Variants in EOMES observed in about 807,000 individuals in gnomAD.
The protein encoded by EOMES is eomesodermin.
Under a neutral mutation model 61.0 loss-of-function variants are expected in EOMES, and 18 were observed. The ratio of observed to expected loss-of-function variants is 0.30; its 90% CI spans 0.20 to 0.44. EOMES has a LOEUF of 0.44. EOMES is among the 20% of genes least tolerant of loss of function. The probability of loss-of-function intolerance (pLI) is 1.00; values close to 1 mark genes in which losing one functional copy is unlikely to be tolerated. For synonymous variants in EOMES, 430 were observed against 394.0 expected, an observed-to-expected ratio of 1.09 and a Z score of -1.08; for missense variants, 885 against 939.2, an observed-to-expected ratio of 0.94 and a Z score of 0.75.
In EOMES at chr3:27,719,276, A is replaced by G; in HGVS notation, c.1158+84T>C. ...GGTCACAAATGCAAATATTATAAAT[A>G]CAGTGAAAAGAGTAGGGACTCTTAT... On this transcript the variant is annotated intron_variant, in intron 3 of 5. Coordinates refer to ENST00000449599, the MANE Select transcript of EOMES (RefSeq NM_001278182.2). The G allele has an allele frequency of 2.2e-6, 3 of 1,344,158 alleles. No individual in the cohort carries two copies. In the East Asian group the frequency reaches 6.9e-5, roughly 31 times the overall value. 83.3% of individuals were successfully genotyped at this position (1,344,158 alleles called of 1,614,324 possible).
chr3:27,720,072 G>A, intron 2 of EOMES, 99 bp downstream of exon 2: 3 of 1,188,394 alleles, frequency 2.5e-6, no homozygotes, highest in Non-Finnish European at 3.5e-6. Context: ...AATGGAAGGG[G>A]AAAAAAAAAG....
In EOMES at chr3:27,722,039, C is replaced by G. The variant is rs748565279; in HGVS notation, c.256G>C (p.Gly86Arg). ...PAAMLSDTDAGDAFASAAAVA... is the reference protein window; with the variant it reads ...PAAMLSDTDARDAFASAAAVA... Reference sequence around the variant, plus strand: ...GCCGCAGCGCTGGCAAATGCGTCCCCGGCGTCGGTGTCACTAAGCATGGCC... The same window carrying G: ...GCCGCAGCGCTGGCAAATGCGTCCCGGGCGTCGGTGTCACTAAGCATGGCC... The change falls in exon 1 of 6, where the codon GGG becomes CGG. Residue 86 changes from glycine (G) to arginine (R), a missense_variant. By Grantham distance (125) the Gly-to-Arg change is moderately radical. This residue lies in a region of EOMES where 449 missense variants were observed against 383.6 expected (regional missense o/e 1.17). Coordinates refer to ENST00000449599, the MANE Select transcript of EOMES (RefSeq NM_001278182.2). 3.4e-5 allele frequency: 52 copies of G among 1,530,046 alleles called. No individual in the cohort carries two copies. The South Asian group carries it at 4.0e-4, about 12-fold the overall frequency. The allele number at this position is 1,530,046 out of a possible 1,614,324, so 94.8% of individuals were successfully genotyped here.
chr3:27,720,162 T>C lies in EOMES; in HGVS notation c.1036+9A>G. On this transcript the variant is annotated intron_variant, in intron 2 of 5. Coordinates refer to ENST00000449599, the MANE Select transcript of EOMES (RefSeq NM_001278182.2). ...GTTCCTCCCCGGCCCGAGCCTCTTC[T>C]CTGCTCACCCTGCATGTTATTGTCG... 2 of 1,559,384 alleles carry C rather than the reference T, an allele frequency of 1.3e-6. No homozygotes were observed. The highest frequency in any genetic ancestry group is 1.2e-5 in the South Asian group (1 of 81,476).
chr3:27,721,994 G>A lies in EOMES; in HGVS notation c.301C>T (p.Pro101Ser). ...CAGGGGGAGCCCTTGCGGCCGTCCG[G>A]GGGCCCCGGCTTGGCCACTGCCGCA... ...SAAAVAKPGPPDGRKGSPCGE... is the reference protein window; with the variant it reads ...SAAAVAKPGPSDGRKGSPCGE... Residue 101 changes from proline (P) to serine (S), a missense_variant, in exon 1 of 6, where the codon CCG becomes TCG. Transcript: ENST00000449599. The surrounding 1 kb of genome is among the most constrained non-coding windows in gnomAD (Gnocchi z 7.4). 3 of 1,472,244 alleles carry A rather than the reference G, an allele frequency of 2.0e-6. No individual in the cohort carries two copies. The highest frequency in any genetic ancestry group is 3.0e-5 in the East Asian group (1 of 33,724). The allele number at this position is 1,472,244 out of a possible 1,614,324, so 91.2% of individuals were successfully genotyped here. A position where few individuals can be genotyped will look rare whatever the true frequency, so the allele number is the denominator to read the frequency against.
Position 27,721,317 on chromosome 3 carries a change from G to T in EOMES, c.881+97C>A. Reference sequence around the variant, plus strand: ...CGGTGAAACACTCTAAGCACCGCGCGGAACAACTGGGTTCAGCTCCCTCAT... The same window carrying T: ...CGGTGAAACACTCTAAGCACCGCGCTGAACAACTGGGTTCAGCTCCCTCAT... On this transcript the variant is annotated intron_variant, in intron 1 of 5. Coordinates refer to ENST00000449599, the MANE Select transcript of EOMES (RefSeq NM_001278182.2). This position sits in a 1 kb window ranked among gnomAD's most constrained non-coding sequence, Gnocchi z 7.4. 1 of 1,003,588 alleles carries T rather than the reference G, an allele frequency of 1.0e-6. No individual in the cohort carries two copies. The highest frequency in any genetic ancestry group is 1.5e-6 in the Non-Finnish European group (1 of 674,806). The allele number at this position is 1,003,588 out of a possible 1,614,324, so 62.2% of individuals were successfully genotyped here. A position where few individuals can be genotyped will look rare whatever the true frequency, so the allele number is the denominator to read the frequency against.
At chr3:27,718,035 A>G (rs1044377502) in intron 5 of EOMES, among the ~76,000 whole-genome samples, 3 of 152,140 alleles carry the variant, frequency 2.0e-5, no homozygotes, top group Non-Finnish European at 4.4e-5. Flanking sequence ...CCTCCTAGGC[A>G]TCAAGTATTT....
In EOMES at chr3:27,720,909, C is replaced by T. The variant is rs2060607408; in HGVS notation, c.881+505G>A. ...CTGGCTCCAGGGCAGATCTAACCAC[C>T]TACTCCGACCGAGCTTCCGAGGCCG... On this transcript the variant is annotated intron_variant, in intron 1 of 5. Transcript: ENST00000449599. 2.0e-5 allele frequency among the ~76,000 whole-genome samples: 3 copies of T among 152,088 alleles called. No homozygotes were observed. In the South Asian group the frequency reaches 6.2e-4, roughly 32 times the overall value.
Position 27,722,118 on chromosome 3 carries a change from G to A in EOMES, c.177C>T (p.Leu59=). The change falls in exon 1 of 6, where the codon CTC becomes CTT. Residue 59 remains leucine, a synonymous_variant. Coordinates refer to ENST00000449599, the MANE Select transcript of EOMES (RefSeq NM_001278182.2). ...GCTCCCCGCTCACCGCCTCGCAGGA[G>A]AGACTGCCGGAAAACTTCTTGGACG... ...DKASKKFSGS[L]SCEAVSGEPA... 2.6e-6 allele frequency: 4 copies of A among 1,551,590 alleles called. No individual in the cohort carries two copies. The highest frequency in any genetic ancestry group is 3.5e-6 in the Non-Finnish European group (4 of 1,147,766).
chr3:27,718,496 C>T (rs1304930980), intron 5 of EOMES, 91 bp downstream of exon 5: 2 of 869,016 alleles, frequency 2.3e-6, no homozygotes, highest in East Asian at 2.6e-5. Flanking sequence ...AAGGTAAAAG[C>T]TCTTCCTAAA....
chr3:27,720,728 G>A (rs186320455), intron 1 of EOMES, among the ~76,000 whole-genome samples: 2 of 152,074 alleles, frequency 1.3e-5, no homozygotes, highest in Non-Finnish European at 1.5e-5. Context: ...ACAATATTAG[G>A]TTATTCTTGT....
rs755528059 is a variant in EOMES, at chr3:27,717,582, G to A, written c.1606C>T (p.Arg536Trp). The change falls in exon 6 of 6, where the codon CGG (arginine) becomes TGG (tryptophan). Residue 536 changes from arginine (R) to tryptophan (W), a missense_variant. Physicochemically the swap from Arg to Trp is moderately radical, Grantham distance 101. Coordinates refer to ENST00000449599, the MANE Select transcript of EOMES (RefSeq NM_001278182.2). The surrounding 1 kb of genome is among the most constrained non-coding windows in gnomAD (Gnocchi z 4.5). ...QSEEVANPPQ[R>W]WLVTPVQQPG... ...TGCTGGACAGGCGTGACAAGCCACC[G>A]CTGGGGAGGGTTGGCCACCTCTTCG... 33 of 1,614,092 alleles carry A rather than the reference G, an allele frequency of 2.0e-5. No individual in the cohort carries two copies. The highest frequency in any genetic ancestry group is 1.7e-5 in the Admixed American group (1 of 60,008).
rs745344912 is a variant in EOMES at position 27,718,570 on chromosome 3, A to C, written c.1379+17T>G. 1 of 1,587,262 alleles carries C rather than the reference A, an allele frequency of 6.3e-7. No homozygotes were observed. Among genetic ancestry groups the C allele is most frequent in the Non-Finnish European group, 8.6e-7 (1 of 1,157,836 alleles). ...CTCAGAGATGATCAGGCAAGTGTGG[A>C]TAAAAGCTGCACTTACGAATCATAG... On this transcript the variant is annotated intron_variant, in intron 5 of 5. Coordinates refer to ENST00000449599, the MANE Select transcript of EOMES (RefSeq NM_001278182.2).
Position 27,719,424 on chromosome 3 carries a change from T to C in EOMES, c.1094A>G (p.Gln365Arg), listed in dbSNP as rs2060593976. 1.2e-6 allele frequency: 2 copies of C among 1,612,758 alleles called. No individual in the cohort carries two copies. The highest frequency in any genetic ancestry group is 1.7e-6 in the Non-Finnish European group (2 of 1,178,822). The change falls in exon 3 of 6, where the codon CAG (glutamine) becomes CGG (arginine). Residue 365 changes from glutamine (Q) to arginine (R), a missense_variant. Gln to Arg is a conservative substitution (Grantham distance 43). This residue lies in a region of EOMES where 177 missense variants were observed against 273.3 expected (regional missense o/e 0.65). Transcript: ENST00000449599. ...TTTTAATTTCCCGAATGAAATCTCC[T>C]GTCTCATCCAGTGGGAACCAGTATT... ...SPNTGSHWMR[Q>R]EISFGKLKLT...
chr3:27,718,357 T>TA (rs796327719), intron 5 of EOMES, among the ~76,000 whole-genome samples: 21 of 152,190 alleles, frequency 1.4e-4, no homozygotes, highest in African/African-American at 4.8e-4. Flanking sequence ...ACTCAAATGC[T>TA]AAAAAAACCT....
Position 27,717,679 on chromosome 3 carries a change from T to C in EOMES, c.1509A>G (p.Leu503=), listed in dbSNP as rs756173724. 1.9e-6 allele frequency: 3 copies of C among 1,613,898 alleles called. No homozygotes were observed. The South Asian group carries it at 3.3e-5, about 18-fold the overall frequency. The stretch of plus-strand genomic sequence containing the variant: ...CGCCATTATAATAGCGGGCTTGAGG[T>C]AAAGTGTTGACAAAGGGCTCCGGGA... ...SFFPEPFVNT[L]PQARYYNGER... is the part of the protein sequence containing the mutation. The change falls in exon 6 of 6, where the codon TTA becomes TTG. Residue 503 remains leucine (L), a synonymous_variant. Coordinates refer to ENST00000449599, the MANE Select transcript of EOMES (RefSeq NM_001278182.2). The surrounding 1 kb of genome is among the most constrained non-coding windows in gnomAD (Gnocchi z 4.5).
intron 2 of EOMES, among the ~76,000 whole-genome samples, chr3:27,719,933 T>G (rs1576804081): frequency 1.3e-5 from 2 of 149,294 alleles, no homozygotes; most frequent in South Asian, 2.1e-4. Context: ...GATTGGGGGG[T>G]GGGGTGATGT....
chr3:27,718,033 G>C (rs980668507), intron 5 of EOMES, among the ~76,000 whole-genome samples: 1 of 152,052 alleles, frequency 6.6e-6, no homozygotes, highest in Admixed American at 6.5e-5. Context: ...TTCCTCCTAG[G>C]CATCAAGTAT....
At position 27,722,096 on chromosome 3, in the gene EOMES, C is replaced by A; in HGVS notation, c.199G>T (p.Glu67Ter). ...GSLSCEAVSGEPAAASAGAPA... is the reference protein window; with the variant it reads ...GSLSCEAVSG Reference sequence around the variant, plus strand: ...GCCCCTGCGCTGGCGGCTGCGGGCTCCCCGCTCACCGCCTCGCAGGAGAGA... The same window carrying A: ...GCCCCTGCGCTGGCGGCTGCGGGCTACCCGCTCACCGCCTCGCAGGAGAGA... The change falls in exon 1 of 6, where the codon GAG (glutamate) becomes TAG (stop). Residue 67 changes from glutamate to a stop codon, truncating the protein, a stop_gained. Transcript: ENST00000449599. LOFTEE classifies it high-confidence loss of function. 6.5e-7 allele frequency: 1 copy of A among 1,548,704 alleles called. No individual in the cohort carries two copies. The highest frequency in any genetic ancestry group is 1.2e-5 in the South Asian group (1 of 83,958).
Position 27,722,193 on chromosome 3 carries a change from G to GCCAGCGCTC in EOMES, c.93_101dup (p.Ser32_Gly34dup), listed in dbSNP as rs1559929227. 5.0e-6 allele frequency: 8 copies of GCCAGCGCTC among 1,599,062 alleles called. No individual in the cohort carries two copies. Among genetic ancestry groups the GCCAGCGCTC allele is most frequent in the Non-Finnish European group, 6.8e-6 (8 of 1,174,422 alleles). The stretch of plus-strand genomic sequence containing the variant: ...GAGAGGGGGCCGCGCTGGGGAGGTG[G>GCCAGCGCTC]CCAGCGCTCCCGCCGCTGCCGCCTC... On this transcript the variant is annotated inframe_insertion, in exon 1 of 6. Transcript: ENST00000449599.
Sources: gnomAD v4.1 joint callset for allele counts (sites outside exome capture counted in the v4.1 genomes callset) on GRCh38, gnomAD v4.1.1 for gene constraint, gnomAD v4.1.1 regional missense constraint, Gnocchi (gnomAD v3.1) non-coding constraint, MANE v1.5 for transcripts, NCBI Gene and HGNC (gene_info 2026-07-23, HGNC 2026-07-21) for gene names.